BCAR3: variants seen among roughly 807,000 people sequenced by gnomAD.
BCAR3 encodes breast cancer anti-estrogen resistance protein 3.
Under a neutral mutation model 80.1 loss-of-function variants are expected in BCAR3, and 37 were observed. That is an observed-to-expected ratio of 0.46 (90% CI 0.36 to 0.61). The LOEUF (loss-of-function observed/expected upper bound fraction) is 0.61, where lower values mean the gene tolerates loss of function less well. Among genes scored for constraint, BCAR3 ranks in the 20% least tolerant of loss-of-function variants. The pLI is 0.00. For missense variants in BCAR3, 978 were observed against 1,068.2 expected (o/e 0.92, Z 1.18); for synonymous variants, 389 against 418.9 (o/e 0.93, Z 0.87).
chr1:93,785,818 C>T (rs1282769313), intron 2 of BCAR3, among the ~76,000 whole-genome samples: 1 of 152,196 alleles, frequency 6.6e-6, no homozygotes, highest in African/African-American at 2.4e-5. Flanking sequence ...TTTTCCTCCC[C>T]TGAATCTGAG....
At chr1:93,613,354 G>C (rs1364958972) in intron 3 of BCAR3, among the ~76,000 whole-genome samples, 5 of 152,188 alleles carry the variant, frequency 3.3e-5, no homozygotes, top group Non-Finnish European at 5.9e-5. Flanking sequence ...AATGTGAGCA[G>C]TAAAGACAAC....
chr1:93,733,766 A>G (rs1398798), intron 2 of BCAR3, among the ~76,000 whole-genome samples: 105,034 of 152,178 alleles, frequency 0.69, 36,629 homozygotes, highest in African/African-American at 0.76. Flanking sequence ...GTGTGCATGC[A>G]TCTACCCTTC....
rs576512078 is a variant in BCAR3, at chr1:93,826,924, A to G, written c.-63+18643T>C. Reference sequence around the variant, plus strand: ...GCAAAACCTCCCCAGGGAAAGGGACAATATGACAGGGAGGAGTCATCAGTG... The same window carrying G: ...GCAAAACCTCCCCAGGGAAAGGGACGATATGACAGGGAGGAGTCATCAGTG... On this transcript the variant is annotated intron_variant, in intron 2 of 13. Coordinates refer to the BCAR3 transcript ENST00000370244. Among the ~76,000 whole-genome samples, 206 of 152,288 alleles carry G rather than the reference A, an allele frequency of 1.4e-3. 2 individuals carry two copies. The highest frequency in any genetic ancestry group is 4.7e-3 in the African/African-American group (194 of 41,552).
chr1:93,576,188 A>T (rs1673449541), intron 7 of BCAR3, 59 bp from the exon 8 acceptor site: 1 of 1,291,820 alleles, frequency 7.7e-7, no homozygotes, highest in African/African-American at 1.5e-5. Context: ...CTGATCATGA[A>T]TTCAGCATAT....
chr1:93,633,687 T>C (rs1230941595), intron 3 of BCAR3, among the ~76,000 whole-genome samples: 1 of 152,228 alleles, frequency 6.6e-6, no homozygotes, highest in Admixed American at 6.5e-5. Flanking sequence ...CAGTCTGGAG[T>C]GCAGTGGCGC....
intron 2 of BCAR3, among the ~76,000 whole-genome samples, chr1:93,728,693 C>T (rs1007595333): frequency 4.6e-5 from 7 of 152,170 alleles, no homozygotes; most frequent in East Asian, 3.9e-4. Context: ...GCAGGCATGC[C>T]GGCATCTGTC....
intron 2 of BCAR3, among the ~76,000 whole-genome samples, chr1:93,722,837 G>A (rs1235556209): frequency 6.6e-6 from 1 of 152,272 alleles, no homozygotes; most frequent in East Asian, 1.9e-4. Flanking sequence ...CCAAGGGGGA[G>A]GGGAGGGAAT....
intron 3 of BCAR3, among the ~76,000 whole-genome samples, chr1:93,697,824 C>T (rs1296379317): frequency 6.6e-6 from 1 of 151,926 alleles, no homozygotes; most frequent in Non-Finnish European, 1.5e-5. Flanking sequence ...ACTAAAAACA[C>T]AAAATTAGCC....
intron 3 of BCAR3, among the ~76,000 whole-genome samples, chr1:93,598,262 G>A (rs1674504644): frequency 1.3e-5 from 2 of 152,186 alleles, no homozygotes; most frequent in African/African-American, 2.4e-5. Context: ...ACGGGGAGGG[G>A]TGCACTTGGG....
intron 2 of BCAR3, among the ~76,000 whole-genome samples, chr1:93,777,402 T>TTCCTCCTCC (rs58306702): frequency 3.4e-5 from 4 of 119,046 alleles, no homozygotes; most frequent in South Asian, 2.5e-4. Flanking sequence ...CTTCTTCCTC[T>TTCCTCCTCC]TCCTCCTCCT....
intron 11 of BCAR3, among the ~76,000 whole-genome samples, chr1:93,563,703 A>G (rs1435203381): frequency 6.6e-6 from 1 of 151,780 alleles, no homozygotes; most frequent in Non-Finnish European, 1.5e-5. Flanking sequence ...TTTTATTTTT[A>G]TTTTTTTGAG....
At chr1:93,606,706 A>G (rs1408465430) in intron 3 of BCAR3, among the ~76,000 whole-genome samples, 1 of 152,156 alleles carries the variant, frequency 6.6e-6, no homozygotes, top group Admixed American at 6.5e-5. Flanking sequence ...ATAGAGGGGT[A>G]TTCTATCCCA....
rs1043525055 is a variant in BCAR3, at chr1:93,681,622, G to C, written c.-36C>G. 1 of 151,674 alleles carries C rather than the reference G, an allele frequency of 6.6e-6. No individual in the cohort carries two copies. 9.4% of individuals were successfully genotyped at this position (151,674 alleles called of 1,614,324 possible). The stretch of plus-strand genomic sequence containing the variant: ...CCTCCCGGCGCGGCGCTGGGCGCTC[G>C]GGCTCTCAGGATCTCTGGACCTCCG... On this transcript the variant is annotated 5_prime_UTR_variant, in exon 1 of 12. Transcript: ENST00000260502.
chr1:93,829,666 A>C (rs1028879039), intron 2 of BCAR3, among the ~76,000 whole-genome samples: 12 of 152,178 alleles, frequency 7.9e-5, no homozygotes, highest in Non-Finnish European at 1.3e-4. Flanking sequence ...CTTTGATTAA[A>C]TAAATTTGCC....
At chr1:93,655,205 A>G (rs1171085326) in intron 2 of BCAR3, among the ~76,000 whole-genome samples, 1 of 152,200 alleles carries the variant, frequency 6.6e-6, no homozygotes, top group Non-Finnish European at 1.5e-5. Flanking sequence ...CATGATAGCA[A>G]TGGGATTTAT....
At chr1:93,619,767 C>T (rs1189559229) in intron 3 of BCAR3, among the ~76,000 whole-genome samples, 1 of 152,222 alleles carries the variant, frequency 6.6e-6, no homozygotes, top group African/African-American at 2.4e-5. Flanking sequence ...CTCACAAGCA[C>T]CTCTGCAAAA....
rs375719303 is a variant in BCAR3 at position 93,641,361 on chromosome 1, C to T, written c.357+943G>A. On this transcript the variant is annotated intron_variant, in intron 3 of 11. Transcript: ENST00000260502. ...ATACTCTGAAACTAGGATGCTGCTG[C>T]CTTTGGGATAGCGAAGGTGGAATGA... Among the ~76,000 whole-genome samples, 34 of 152,320 alleles carry T rather than the reference C, an allele frequency of 2.2e-4. No individual in the cohort carries two copies. The East Asian group carries it at 5.0e-3, about 22-fold the overall frequency.
chr1:93,757,276 T>G (rs1181226964), intron 2 of BCAR3, among the ~76,000 whole-genome samples: 2 of 152,202 alleles, frequency 1.3e-5, no homozygotes, highest in African/African-American at 4.8e-5. Context: ...GCCTACCTGA[T>G]GACCTCTCTC....
chr1:93,573,543 AT>A (rs1332649064), intron 8 of BCAR3, among the ~76,000 whole-genome samples: 1 of 150,388 alleles, frequency 6.6e-6, no homozygotes, highest in Non-Finnish European at 1.5e-5. Context: ...TCTTTTCTCC[AT>A]TTATCTCCTT....
Sources: gnomAD v4.1 joint callset for allele counts (sites outside exome capture counted in the v4.1 genomes callset) on GRCh38, gnomAD v4.1.1 for gene constraint, MANE v1.5 for transcripts, NCBI Gene and HGNC (gene_info 2026-07-23, HGNC 2026-07-21) for gene names.